Variants in EVA1C observed in about 807,000 individuals in gnomAD.
EVA1C encodes the protein protein eva-1 homolog C.
A neutral mutation model predicts 45.4 loss-of-function variants in EVA1C; 25 were observed. The observed-to-expected ratio is 0.55, with a 90% CI of 0.40 to 0.77. EVA1C has a LOEUF of 0.77. Among genes scored for constraint, EVA1C ranks in the 30% least tolerant of loss-of-function variants. The probability of loss-of-function intolerance (pLI) is 0.00; values close to 1 mark genes in which losing one functional copy is unlikely to be tolerated. For missense variants in EVA1C, 479 were observed against 554.8 expected (o/e 0.86, Z 1.37); for synonymous variants, 190 against 221.2 (o/e 0.86, Z 1.25).
At position 32,461,388 on chromosome 21, in the gene EVA1C, AGCCCCTG is replaced by A. The variant is rs150395691; in HGVS notation, c.481+3669_481+3675del. ...CCCATAGAGAGCAGATGAGAGACAG[AGCCCCTG>A]TGTAACCTGAACACCAGAAACCTGA... On this transcript the variant is annotated intron_variant, in intron 3 of 7. Transcript: ENST00000300255. Among the ~76,000 whole-genome samples, 1,188 of 152,346 alleles carry A rather than the reference AGCCCCTG, an allele frequency of 7.8e-3. 12 individuals carry two copies. The highest frequency in any genetic ancestry group is 0.027 in the African/African-American group (1,137 of 41,578).
chr21:32,452,831 G>A lies in EVA1C; in HGVS notation c.161-481G>A, dbSNP rs907873117. The A allele has an allele frequency of 1.3e-5, 2 of 152,676 alleles. No individual in the cohort carries two copies. Among genetic ancestry groups the A allele is most frequent in the Non-Finnish European group, 2.9e-5 (2 of 68,404 alleles). The allele number at this position is 152,676 out of a possible 1,614,324, so 9.5% of individuals were successfully genotyped here. A position where few individuals can be genotyped will look rare whatever the true frequency, so the allele number is the denominator to read the frequency against. On this transcript the variant is annotated intron_variant, in intron 1 of 7. Coordinates refer to ENST00000300255, the MANE Select transcript of EVA1C (RefSeq NM_058187.5). This position sits in a 1 kb window ranked among gnomAD's most constrained non-coding sequence, Gnocchi z 4.0. ...CACATCGCCCCGCTGTCGAAAGCCC[G>A]CCAGCATCTGCTGGTGTCTGTCAGT...
chr21:32,507,752 GTGTT>G (rs1019188190), intron 7 of EVA1C, among the ~76,000 whole-genome samples: 9 of 48,038 alleles, frequency 1.9e-4, no homozygotes, highest in Admixed American at 1.7e-3. Flanking sequence ...ATGTGCATAT[GTGTT>G]TGCGTGTGTG....
chr21:32,473,072 T>C (rs1367230340), intron 4 of EVA1C, among the ~76,000 whole-genome samples: 1 of 152,214 alleles, frequency 6.6e-6, no homozygotes, highest in Non-Finnish European at 1.5e-5. Flanking sequence ...CAGCCTCACA[T>C]GGAAGGCTCA....
At chr21:32,461,189 C>T (rs1013048431) in intron 3 of EVA1C, among the ~76,000 whole-genome samples, 3 of 152,300 alleles carry the variant, frequency 2.0e-5, no homozygotes, top group South Asian at 2.1e-4. Context: ...GGTGCATTGG[C>T]GCAGCCAGCC....
Position 32,423,070 on chromosome 21 carries a change from C to CAAAAAAAAA in EVA1C, c.160+10075_160+10083dup, listed in dbSNP as rs3056306. ...TGGGCAGCAGAGTGAGACTCTGTCT[C>CAAAAAAAAA]AAAAAAAAAAAAAAAAAAAAAAAAA... On this transcript the variant is annotated intron_variant, in intron 1 of 7. Coordinates refer to ENST00000300255, the MANE Select transcript of EVA1C (RefSeq NM_058187.5). Among the ~76,000 whole-genome samples, 79 of 85,588 alleles carry CAAAAAAAAA rather than the reference C, an allele frequency of 9.2e-4. 6 individuals are homozygous for CAAAAAAAAA. Among genetic ancestry groups the CAAAAAAAAA allele is most frequent in the African/African-American group, 3.4e-3 (74 of 21,766 alleles). The allele number at this position is 85,588 out of a possible 152,430, so 56.1% of individuals were successfully genotyped here.
Position 32,490,876 on chromosome 21 carries a change from T to C in EVA1C, c.635-4151T>C, listed in dbSNP as rs1461833059. 3.9e-5 allele frequency among the ~76,000 whole-genome samples: 6 copies of C among 152,326 alleles called. No individual in the cohort carries two copies. The South Asian group carries it at 1.2e-3, about 32-fold the overall frequency. On this transcript the variant is annotated intron_variant, in intron 4 of 7. Transcript: ENST00000300255. The stretch of plus-strand genomic sequence containing the variant: ...GCTAGCAAAGGCACCAGGAGTAGGC[T>C]CCAAGAGCCAAGGAGGAGCTTCAGA...
intron 4 of EVA1C, among the ~76,000 whole-genome samples, chr21:32,479,643 C>T (rs2036705601): frequency 6.6e-6 from 1 of 152,024 alleles, no homozygotes; most frequent in Non-Finnish European, 1.5e-5. Context: ...TCTTGCACTC[C>T]CAGAGTAACT....
intron 4 of EVA1C, chr21:32,493,768 C>CTTTT (rs1194575137): frequency 7.0e-5 from 10 of 143,164 alleles, no homozygotes; most frequent in South Asian, 4.6e-4. Flanking sequence ...GCAAGGTAGG[C>CTTTT]TTTTTATTTA....
chr21:32,484,208 T>C (rs1274426670), intron 4 of EVA1C, among the ~76,000 whole-genome samples: 1 of 152,072 alleles, frequency 6.6e-6, no homozygotes, highest in African/African-American at 2.4e-5. Context: ...TGGAACATAG[T>C]TCGATGTTGA....
intron 2 of EVA1C, among the ~76,000 whole-genome samples, chr21:32,456,942 C>G (rs1359058011): frequency 6.6e-6 from 1 of 152,128 alleles, no homozygotes; most frequent in Non-Finnish European, 1.5e-5. Context: ...TGCAGGAAAG[C>G]CTTTACTGCC....
chr21:32,498,465 G>T (rs968697542), intron 5 of EVA1C, among the ~76,000 whole-genome samples: 2 of 151,202 alleles, frequency 1.3e-5, no homozygotes, highest in Admixed American at 1.3e-4. Context: ...AAAGAGACAT[G>T]GTCCTGTTTT....
At chr21:32,490,464 G>A (rs2037119012) in intron 4 of EVA1C, among the ~76,000 whole-genome samples, 1 of 152,128 alleles carries the variant, frequency 6.6e-6, no homozygotes, top group African/African-American at 2.4e-5. Flanking sequence ...AGGGAGTGAT[G>A]AGATTAGAAA....
chr21:32,491,137 G>T (rs1379633419), intron 4 of EVA1C, among the ~76,000 whole-genome samples: 4 of 152,222 alleles, frequency 2.6e-5, no homozygotes, highest in African/African-American at 4.8e-5. Flanking sequence ...GAAGACAGGG[G>T]AGAAGGAAGT....
At chr21:32,514,624 C>T (rs113526379) in intron 7 of EVA1C, among the ~76,000 whole-genome samples, 190 bp from the exon 8 acceptor site, 10 of 152,218 alleles carry the variant, frequency 6.6e-5, no homozygotes, top group South Asian at 4.2e-4. Flanking sequence ...ACTCCGTAGG[C>T]GCAAAAGCTT....
intron 1 of EVA1C, chr21:32,428,483 G>A (rs1389434795): frequency 6.6e-6 from 1 of 152,210 alleles, no homozygotes; most frequent in African/African-American, 2.4e-5. Context: ...GCTCCTGTGG[G>A]TGTAGCTAAA....
At chr21:32,416,010 T>C (rs542258293) in intron 1 of EVA1C, among the ~76,000 whole-genome samples, 1 of 152,314 alleles carries the variant, frequency 6.6e-6, no homozygotes, top group Non-Finnish European at 1.5e-5. Context: ...AGAAGTATAA[T>C]GCTATGCCCA....
At chr21:32,485,727 GCA>G (rs1480288597) in intron 4 of EVA1C, among the ~76,000 whole-genome samples, 1 of 152,158 alleles carries the variant, frequency 6.6e-6, no homozygotes, top group Non-Finnish European at 1.5e-5. Flanking sequence ...ATGTTTAAGG[GCA>G]CAGTCTTTAA....
intron 6 of EVA1C, 87 bp from the exon 7 acceptor site, chr21:32,503,839 C>A: frequency 1.2e-6 from 1 of 811,534 alleles, no homozygotes; most frequent in Non-Finnish European, 2.0e-6. Context: ...TTCCGGCGGT[C>A]CCTGGGGTAG....
intron 7 of EVA1C, among the ~76,000 whole-genome samples, chr21:32,505,862 A>C (rs1338056773): frequency 6.6e-6 from 1 of 152,148 alleles, no homozygotes; most frequent in Non-Finnish European, 1.5e-5. Flanking sequence ...CTAATGAGTG[A>C]ACTGGGGGCA....
Sources: allele counts gnomAD v4.1 joint callset (sites outside exome capture counted in the v4.1 genomes callset), GRCh38; gene constraint gnomAD v4.1.1; non-coding constraint Gnocchi (gnomAD v3.1); transcripts MANE v1.5; gene names NCBI Gene and HGNC (gene_info 2026-07-23, HGNC 2026-07-21).